Variants in SPECC1L observed in about 807,000 individuals in gnomAD.
The protein encoded by SPECC1L is cytospin-A.
SPECC1L carries 40 observed loss-of-function variants against 116.8 expected under a neutral mutation model. That is an observed-to-expected ratio of 0.34 (90% confidence interval 0.27 to 0.45). SPECC1L has a LOEUF of 0.45. Ranked by LOEUF, SPECC1L falls within the 20% of genes least tolerant of loss-of-function variation. The pLI is 1.00. For synonymous variants in SPECC1L, 504 were observed against 500.6 expected (o/e 1.01, Z -0.09); for missense variants, 1,110 against 1,373.6 (o/e 0.81, Z 3.03).
intron 13 of SPECC1L, among the ~76,000 whole-genome samples, chr22:24,368,907 A>G (rs1033752335): frequency 6.6e-6 from 1 of 152,202 alleles, no homozygotes; most frequent in Non-Finnish European, 1.5e-5. Flanking sequence ...TCAGGCTCCC[A>G]AAGTGTTGGG....
intron 2 of SPECC1L, among the ~76,000 whole-genome samples, chr22:24,301,338 C>T (rs760914670): frequency 1.3e-5 from 2 of 152,138 alleles, no homozygotes; most frequent in Non-Finnish European, 2.9e-5. Context: ...AAGACATTTA[C>T]GTGGTCTTCT....
At chr22:24,341,152 G>A (rs1296392837) in intron 10 of SPECC1L, among the ~76,000 whole-genome samples, 1 of 152,058 alleles carries the variant, frequency 6.6e-6, no homozygotes, top group African/African-American at 2.4e-5. Flanking sequence ...AGGAGAAGGC[G>A]ACTGCTCGAA....
chr22:24,337,264 T>A (rs188216525), intron 9 of SPECC1L, among the ~76,000 whole-genome samples: 71 of 152,312 alleles, frequency 4.7e-4, no homozygotes, highest in African/African-American at 1.7e-3. Context: ...CAAGAAGGAA[T>A]GAAGTAGTAA....
At chr22:24,302,807 G>A (rs756233456) in intron 3 of SPECC1L, among the ~76,000 whole-genome samples, 2 of 152,092 alleles carry the variant, frequency 1.3e-5, no homozygotes, top group African/African-American at 4.8e-5. Flanking sequence ...GCCTGGGAAG[G>A]TTTTATGAAA....
At chr22:24,413,759 C>T (rs1286294769) in intron 16 of SPECC1L, among the ~76,000 whole-genome samples, 2 of 152,186 alleles carry the variant, frequency 1.3e-5, no homozygotes, top group African/African-American at 4.8e-5. Flanking sequence ...AGTCAAGATT[C>T]TTGCATTGAA....
chr22:24,368,544 A>G (rs963662795), intron 13 of SPECC1L, among the ~76,000 whole-genome samples: 2 of 152,236 alleles, frequency 1.3e-5, no homozygotes, highest in Non-Finnish European at 2.9e-5. Flanking sequence ...GGCGAGAACT[A>G]TTATGCCTTA....
chr22:24,331,336 A>G (rs138838766), intron 8 of SPECC1L, among the ~76,000 whole-genome samples: 5 of 152,346 alleles, frequency 3.3e-5, no homozygotes, highest in Admixed American at 1.3e-4. Context: ...CTCAGAGAAA[A>G]GTATTGCTAA....
chr22:24,327,190 A>G (rs952998185), intron 6 of SPECC1L, among the ~76,000 whole-genome samples: 8 of 149,206 alleles, frequency 5.4e-5, no homozygotes, highest in African/African-American at 1.7e-4. Flanking sequence ...AGGCAGGAGA[A>G]TCGCTTGAAC....
intron 11 of SPECC1L, among the ~76,000 whole-genome samples, chr22:24,362,825 C>T (rs2041671599): frequency 6.6e-6 from 1 of 152,140 alleles, no homozygotes; most frequent in South Asian, 2.1e-4. Flanking sequence ...TTTTGTCATT[C>T]TGTTACTCTA....
At chr22:24,315,265 T>C (rs1465561555) in intron 4 of SPECC1L, among the ~76,000 whole-genome samples, 5 of 152,248 alleles carry the variant, frequency 3.3e-5, no homozygotes, top group African/African-American at 1.2e-4. Flanking sequence ...TGATAATAGG[T>C]GCGATTAACA....
chr22:24,343,027 T>C (rs918346592), intron 10 of SPECC1L, among the ~76,000 whole-genome samples: 1 of 151,858 alleles, frequency 6.6e-6, no homozygotes, highest in Non-Finnish European at 1.5e-5. Flanking sequence ...ACCCTGTCTC[T>C]ACTAAAAATA....
chr22:24,276,774 A>T lies in SPECC1L; in HGVS notation c.-67A>T, dbSNP rs1485050344. 4.4e-6 allele frequency: 2 copies of T among 453,898 alleles called. No individual in the cohort carries two copies. Among genetic ancestry groups the T allele is most frequent in the South Asian group, 3.1e-5 (2 of 64,428 alleles). The allele number at this position is 453,898 out of a possible 1,614,324, so 28.1% of individuals were successfully genotyped here. A position where few individuals can be genotyped will look rare whatever the true frequency, so the allele number is the denominator to read the frequency against. ...CATCATGAGTTCCTGAGGCAGTCCG[A>T]TGGGGCTACTTTATTCCAGAACAAT... is the stretch of plus-strand genomic sequence containing the variant. On this transcript the variant is annotated 5_prime_UTR_variant, in exon 2 of 17. An upstream start codon of the reference 5' UTR is lost. Transcript: ENST00000314328.
intron 4 of SPECC1L, 145 bp from the exon 5 acceptor site, chr22:24,321,141 CAG>C: frequency 1.1e-6 from 1 of 887,366 alleles, no homozygotes; most frequent in Non-Finnish European, 1.8e-6. Context: ...TGAACTTTAA[CAG>C]ACTCTAAGGC....
At chr22:24,407,405 GAGGGGGA>G (rs1302818800) in intron 14 of SPECC1L, among the ~76,000 whole-genome samples, 1 of 152,202 alleles carries the variant, frequency 6.6e-6, no homozygotes, top group Non-Finnish European at 1.5e-5. Flanking sequence ...TGAGGAAGCG[GAGGGGGA>G]AGGCTGGGGT....
intron 4 of SPECC1L, among the ~76,000 whole-genome samples, chr22:24,317,156 C>T (rs1380936979): frequency 4.0e-5 from 4 of 99,572 alleles, no homozygotes; most frequent in Non-Finnish European, 6.4e-5. Context: ...ACCTCCCTCC[C>T]GGACGGGGCG....
intron 4 of SPECC1L, among the ~76,000 whole-genome samples, chr22:24,315,406 G>T (rs12106584): frequency 0.025 from 3,791 of 152,366 alleles, 152 homozygotes; most frequent in South Asian, 0.12. Context: ...CCAAGGCCAT[G>T]CATTCATTTG....
chr22:24,278,094 C>A (rs1395348612), intron 2 of SPECC1L, among the ~76,000 whole-genome samples: 3 of 152,084 alleles, frequency 2.0e-5, no homozygotes, highest in African/African-American at 7.2e-5. Context: ...GTGGCTCACA[C>A]CTGTAATCCC....
intron 14 of SPECC1L, among the ~76,000 whole-genome samples, chr22:24,372,140 A>T (rs1180403162): frequency 6.6e-6 from 1 of 152,190 alleles, no homozygotes; most frequent in East Asian, 1.9e-4. Flanking sequence ...GCAATAATTA[A>T]TAGCTTACCA....
intron 9 of SPECC1L, among the ~76,000 whole-genome samples, chr22:24,335,878 G>A (rs933478887): frequency 1.3e-5 from 2 of 151,420 alleles, no homozygotes; most frequent in Non-Finnish European, 2.9e-5. Context: ...ATATAAGATA[G>A]TGTTATGTAT....
Sources: gnomAD v4.1 joint callset for allele counts (sites outside exome capture counted in the v4.1 genomes callset) on GRCh38, gnomAD v4.1.1 for gene constraint, MANE v1.5 for transcripts, NCBI Gene and HGNC (gene_info 2026-07-23, HGNC 2026-07-21) for gene names.